The following FRMD5 variants were observed in gnomAD, a reference collection of about 807,000 sequenced individuals.
FRMD5 encodes FERM domain-containing protein 5.
FRMD5 carries 20 observed loss-of-function variants against 69.0 expected under a neutral mutation model. That is an observed-to-expected ratio of 0.29 (90% confidence interval 0.20 to 0.42). FRMD5 has a LOEUF of 0.42. Among genes scored for constraint, FRMD5 ranks in the 10% least tolerant of loss-of-function variants. FRMD5 has a pLI of 1.00. For synonymous variants in FRMD5, 271 were observed against 260.1 expected, an observed-to-expected ratio of 1.04 and a Z score of -0.40; for missense variants, 595 against 708.6, an observed-to-expected ratio of 0.84 and a Z score of 1.82.
Position 43,874,127 on chromosome 15 carries a change from C to G in FRMD5, c.1471G>C (p.Glu491Gln). The change falls in exon 14 of 14, where the codon GAG becomes CAG. Residue 491 changes from glutamate to glutamine, a missense_variant. Physicochemically the swap from Glu to Gln is conservative, Grantham distance 29 (BLOSUM62 2). Transcript: ENST00000417257. ...ALCQGHSGPE[E>Q]EQVNKFVLSV... ...AGAACAAACTTATTCACCTGTTCCT[C>G]CTCGGGCCCGCTGTGCCCCTGACAC... is the stretch of plus-strand genomic sequence containing the variant. 6.2e-7 allele frequency: 1 copy of G among 1,614,234 alleles called. No homozygotes were observed. The highest frequency in any genetic ancestry group is 8.5e-7 in the Non-Finnish European group (1 of 1,180,042).
chr15:44,131,174 A>G (rs1274641738), intron 1 of FRMD5, among the ~76,000 whole-genome samples: 1 of 152,156 alleles, frequency 6.6e-6, no homozygotes, highest in African/African-American at 2.4e-5. Flanking sequence ...AAGATCTACA[A>G]ATAGCCAATA....
intron 1 of FRMD5, among the ~76,000 whole-genome samples, chr15:44,104,985 T>A (rs1254184372): frequency 6.6e-6 from 1 of 152,140 alleles, no homozygotes; most frequent in Non-Finnish European, 1.5e-5. Context: ...GACAGATATT[T>A]GGGTTACTTC....
intron 1 of FRMD5, among the ~76,000 whole-genome samples, chr15:44,133,976 G>C (rs571475439): frequency 3.9e-5 from 6 of 152,128 alleles, no homozygotes; most frequent in Admixed American, 1.3e-4. Flanking sequence ...TAAAAGAAAA[G>C]GAATAAAAGG....
At chr15:44,074,697 G>A (rs1467819701) in intron 1 of FRMD5, among the ~76,000 whole-genome samples, 1 of 152,072 alleles carries the variant, frequency 6.6e-6, no homozygotes. Flanking sequence ...GGGTTACAGG[G>A]ATATCATTGA....
At chr15:43,898,900 T>A (rs965178592) in intron 7 of FRMD5, among the ~76,000 whole-genome samples, 5 of 152,206 alleles carry the variant, frequency 3.3e-5, no homozygotes, top group Non-Finnish European at 7.3e-5. Context: ...CTCCTCTTCC[T>A]GGTCCCAGGG....
intron 1 of FRMD5, among the ~76,000 whole-genome samples, chr15:44,127,653 C>G (rs2077041794): frequency 6.6e-6 from 1 of 152,082 alleles, no homozygotes; most frequent in African/African-American, 2.4e-5. Context: ...GCGAGAGGAT[C>G]ACTTGAGCTC....
intron 1 of FRMD5, among the ~76,000 whole-genome samples, chr15:44,183,130 A>G (rs2706462): frequency 0.82 from 124,416 of 152,042 alleles, 54,710 homozygotes; most frequent in Non-Finnish European, 0.97. Flanking sequence ...TAAGTGCTAT[A>G]AGTCCCCCAA....
intron 1 of FRMD5, among the ~76,000 whole-genome samples, chr15:44,059,696 T>C (rs1053520366): frequency 6.6e-6 from 1 of 152,018 alleles, no homozygotes; most frequent in African/African-American, 2.4e-5. Context: ...TTTGTATTTT[T>C]AGTAGAGACG....
intron 1 of FRMD5, among the ~76,000 whole-genome samples, chr15:43,983,877 A>T (rs2090584671): frequency 6.6e-6 from 1 of 152,164 alleles, no homozygotes; most frequent in Admixed American, 6.5e-5. Context: ...CCAGGCAGCA[A>T]GTGCTAGAGA....
chr15:43,907,848 C>G (rs545417899), intron 5 of FRMD5, among the ~76,000 whole-genome samples: 23 of 151,948 alleles, frequency 1.5e-4, no homozygotes, highest in Non-Finnish European at 3.1e-4. Flanking sequence ...CACTCTGTTG[C>G]CCAGGCTGGT....
chr15:43,914,853 G>C (rs1412532706), intron 4 of FRMD5, among the ~76,000 whole-genome samples: 1 of 151,116 alleles, frequency 6.6e-6, no homozygotes, highest in Admixed American at 6.6e-5. Context: ...AGCTTCCTGA[G>C]TAGCAGGGAT....
At chr15:44,193,100 A>G (rs1032637226) in intron 1 of FRMD5, among the ~76,000 whole-genome samples, 10 of 152,198 alleles carry the variant, frequency 6.6e-5, no homozygotes, top group Non-Finnish European at 1.0e-4. Context: ...CAAAGGTTCC[A>G]CTAACTGGGA....
In FRMD5 at chr15:43,874,428, T is replaced by C; in HGVS notation, c.1170A>G (p.Thr390=). Residue 390 remains threonine (T), a synonymous_variant, in exon 14 of 14, where the codon ACA becomes ACG. Coordinates refer to ENST00000417257, the MANE Select transcript of FRMD5 (RefSeq NM_032892.5). ...CCCCATGGGAAGTGGAACGCACTGG[T>C]GTGGAATGGGCACTGTCCCGTAAGG... ...LESLRDSAHS[T]PVRSTSHGDT... The C allele has an allele frequency of 6.2e-7, 1 of 1,614,122 alleles. No individual in the cohort carries two copies. The highest frequency in any genetic ancestry group is 8.5e-7 in the Non-Finnish European group (1 of 1,180,006).
intron 1 of FRMD5, among the ~76,000 whole-genome samples, chr15:44,046,915 G>T (rs1025628908): frequency 6.6e-6 from 1 of 152,134 alleles, no homozygotes; most frequent in Non-Finnish European, 1.5e-5. Flanking sequence ...ACCATTCTTA[G>T]AAGATATTAA....
chr15:44,182,049 C>T (rs2078011082), intron 1 of FRMD5, among the ~76,000 whole-genome samples: 1 of 149,112 alleles, frequency 6.7e-6, no homozygotes, highest in Non-Finnish European at 1.5e-5. Context: ...CTCACTCTGT[C>T]GCCCAGGCTG....
intron 1 of FRMD5, among the ~76,000 whole-genome samples, chr15:43,926,389 G>C (rs904808405): frequency 6.6e-6 from 1 of 152,200 alleles, no homozygotes; most frequent in South Asian, 2.1e-4. Context: ...GTAGTGTAGT[G>C]GTTATCACGT....
chr15:44,091,981 C>T (rs915062169), intron 1 of FRMD5, among the ~76,000 whole-genome samples: 9 of 152,098 alleles, frequency 5.9e-5, no homozygotes, highest in African/African-American at 1.9e-4. Flanking sequence ...CACTGTATGA[C>T]GACATGGGAT....
chr15:43,900,223 A>T (rs2089012073), intron 7 of FRMD5, among the ~76,000 whole-genome samples: 2 of 152,158 alleles, frequency 1.3e-5, no homozygotes, highest in African/African-American at 4.8e-5. Context: ...TGGGAACCGG[A>T]GCCCAGGGCC....
At chr15:44,193,332 A>C (rs2078227215) in intron 1 of FRMD5, among the ~76,000 whole-genome samples, 1 of 152,228 alleles carries the variant, frequency 6.6e-6, no homozygotes, top group Non-Finnish European at 1.5e-5. Context: ...AAATGCTTTA[A>C]ATTTTAAAAC....
Sources: allele counts gnomAD v4.1 joint callset (sites outside exome capture counted in the v4.1 genomes callset), GRCh38; gene constraint gnomAD v4.1.1; transcripts MANE v1.5; gene names NCBI Gene and HGNC (gene_info 2026-07-23, HGNC 2026-07-21).